Variants in NCF1 observed in about 807,000 individuals in gnomAD.
NCF1 encodes neutrophil cytosol factor 1.
NCF1 carries 8 observed loss-of-function variants against 34.9 expected under a neutral mutation model. That is an observed-to-expected ratio of 0.23 (90% CI 0.13 to 0.41). The LOEUF is 0.41. Among genes scored for constraint, NCF1 ranks in the 10% least tolerant of loss-of-function variants. The pLI, the probability that NCF1 is intolerant of heterozygous loss-of-function variation, is 1.00. For synonymous variants in NCF1, 57 were observed against 146.3 expected, an observed-to-expected ratio of 0.39 and a Z score of 4.41; for missense variants, 122 against 362.4, an observed-to-expected ratio of 0.34 and a Z score of 5.39.
chr7:74,782,729 C>T (rs1796594648), intron 5 of NCF1, among the ~76,000 whole-genome samples: 1 of 152,002 alleles, frequency 6.6e-6, no homozygotes, highest in South Asian at 2.1e-4. Flanking sequence ...GAGCAAGACT[C>T]TGTCTCCAAA....
chr7:74,783,635 G>C lies in NCF1; in HGVS notation c.682+3G>C. ...AGACCCTGAGCCCAACTATGCAGGT[G>C]CCCCCTGCCCTCCGAGGCTGTAGGG... On this transcript the variant is annotated splice_donor_region_variant and intron_variant, in intron 7 of 10. Transcript: ENST00000289473. 6.2e-7 allele frequency: 1 copy of C among 1,610,548 alleles called. No individual in the cohort carries two copies. Among genetic ancestry groups the C allele is most frequent in the Non-Finnish European group, 8.5e-7 (1 of 1,179,146 alleles).
chr7:74,787,190 C>A (rs1208143151), intron 8 of NCF1, among the ~76,000 whole-genome samples: 1 of 151,908 alleles, frequency 6.6e-6, no homozygotes, highest in Non-Finnish European at 1.5e-5. Context: ...GTAATCTCAG[C>A]ACTTTGGGAG....
At chr7:74,783,270 G>A (rs587616925) in intron 6 of NCF1, 19 of 902,390 alleles carry the variant, frequency 2.1e-5, no homozygotes, top group African/African-American at 1.2e-4. Flanking sequence ...AGGCCGGGGC[G>A]GGGCATGTCT....
Position 74,789,252 on chromosome 7 carries a change from G to A in NCF1, c.*92G>A. 1.5e-5 allele frequency: 1 copy of A among 67,292 alleles called. No individual in the cohort carries two copies. The highest frequency in any genetic ancestry group is 2.5e-5 in the Non-Finnish European group (1 of 39,732). The allele number at this position is 67,292 out of a possible 1,614,324, so 4.2% of individuals were successfully genotyped here. ...ATAGAGCCTGGCGTCTGGACGCCGA[G>A]GGCAGCCCCGACCCCTGTCCAGCGC... On this transcript the variant is annotated 3_prime_UTR_variant, in exon 11 of 11. Coordinates refer to ENST00000289473, the MANE Select transcript of NCF1 (RefSeq NM_000265.7).
intron 8 of NCF1, among the ~76,000 whole-genome samples, chr7:74,787,492 TG>T (rs1317753312): frequency 1.3e-5 from 2 of 152,080 alleles, no homozygotes; most frequent in Non-Finnish European, 2.9e-5. Context: ...TTTGGTGGCT[TG>T]GAGGTAGGCA....
intron 1 of NCF1, among the ~76,000 whole-genome samples, chr7:74,775,870 A>G (rs1313850808): frequency 2.0e-5 from 3 of 150,344 alleles, no homozygotes; most frequent in Non-Finnish European, 4.4e-5. Flanking sequence ...AGTAGCTGGG[A>G]ATACAGGTGC....
chr7:74,782,675 G>A (rs1447287779), intron 5 of NCF1, among the ~76,000 whole-genome samples: 11 of 152,098 alleles, frequency 7.2e-5, no homozygotes, highest in African/African-American at 2.7e-4. Flanking sequence ...GTCCAGGGCT[G>A]TAGTGAGCTG....
chr7:74,777,296 C>T lies in NCF1; in HGVS notation c.102C>T (p.Asp34=). The T allele has an allele frequency of 6.2e-7, 1 of 1,612,006 alleles. No individual in the cohort carries two copies. Among genetic ancestry groups the T allele is most frequent in the Non-Finnish European group, 8.5e-7 (1 of 1,179,008 alleles). ...ACATGTTCCTGGTGAAATGGCAGGA[C>T]CTGTCGGAGAAGGTGGTCTACCGGC... ...YVYMFLVKWQ[D]LSEKVVYRRF... The change falls in exon 2 of 11, where the codon GAC becomes GAT. Residue 34 remains aspartate (D), a synonymous_variant. Transcript: ENST00000289473.
chr7:74,786,473 T>A (rs1699570040), intron 8 of NCF1, among the ~76,000 whole-genome samples: 1 of 152,030 alleles, frequency 6.6e-6, no homozygotes, highest in Non-Finnish European at 1.5e-5. Flanking sequence ...TGGAGCACAA[T>A]CATCGCTCAC....
chr7:74,787,080 A>G (rs1270513268), intron 8 of NCF1, among the ~76,000 whole-genome samples: 4 of 149,864 alleles, frequency 2.7e-5, no homozygotes, highest in East Asian at 1.9e-4. Context: ...CCCCTTCCTC[A>G]CACTGTACAC....
chr7:74,787,136 C>G (rs1311149188), intron 8 of NCF1, among the ~76,000 whole-genome samples: 13 of 151,308 alleles, frequency 8.6e-5, no homozygotes, highest in African/African-American at 3.2e-4. Context: ...AGAGTAAAAC[C>G]TGAAACTAAA....
chr7:74,777,451 C>T, intron 2 of NCF1, 104 bp downstream of exon 2: 2 of 874,240 alleles, frequency 2.3e-6, no homozygotes, highest in South Asian at 2.8e-5. Flanking sequence ...CCCAGAATCC[C>T]CTCCCAGACC....
intron 1 of NCF1, 36 bp from the exon 2 acceptor site, chr7:74,777,231 G>T: frequency 6.2e-7 from 1 of 1,600,306 alleles, no homozygotes; most frequent in Non-Finnish European, 8.5e-7. Flanking sequence ...CTCTTTGGAG[G>T]CTGAATGGGG....
At position 74,788,678 on chromosome 7, in the gene NCF1, G is replaced by A. The variant is rs1489575019; in HGVS notation, c.1025G>A (p.Gly342Glu). 19 of 1,550,086 alleles carry A rather than the reference G, an allele frequency of 1.2e-5. No homozygotes were observed. The African/African-American group carries it at 2.5e-4, about 20-fold the overall frequency. Residue 342 changes from glycine (G) to glutamate (E), a missense_variant, in exon 10 of 11, where the codon GGA becomes GAA. Transcript: ENST00000289473. Reference protein sequence around the residue: ...LQQRRRQARPGPQSPGSPLEE... With the variant: ...LQQRRRQARPEPQSPGSPLEE... ...CAGCGACGCCGCCAGGCGCGGCCGG[G>A]ACCGCAGAGCCCCGGGAGCCCGCTC...
chr7:74,783,026 G>T lies in NCF1; in HGVS notation c.539G>T (p.Gly180Val). The T allele has an allele frequency of 6.2e-7, 1 of 1,611,492 alleles. No homozygotes were observed. The highest frequency in any genetic ancestry group is 8.5e-7 in the Non-Finnish European group (1 of 1,179,702). ...GGCTCCGAGATGGCTCTGTCCACGG[G>T]GGACGTGGTGGAGGTCGTAGAGAAG... ...TSGSEMALST[G>V]DVVEVVEKSE... Residue 180 changes from glycine (G) to valine (V), a missense_variant, in exon 6 of 11, where the codon GGG (glycine) becomes GTG (valine). By Grantham distance (109) the Gly-to-Val change is moderately radical. Coordinates refer to ENST00000289473, the MANE Select transcript of NCF1 (RefSeq NM_000265.7).
chr7:74,785,883 CAAAAAAAAAA>C (rs1208073697), intron 8 of NCF1, among the ~76,000 whole-genome samples: 1 of 69,218 alleles, frequency 1.4e-5, no homozygotes, highest in African/African-American at 6.0e-5. Flanking sequence ...AACTCCGTCT[CAAAAAAAAAA>C]AAAAAAAAAA....
rs587624953 is a variant in NCF1, at chr7:74,787,528, G to A, written c.801-456G>A. On this transcript the variant is annotated intron_variant, in intron 8 of 10. Coordinates refer to ENST00000289473, the MANE Select transcript of NCF1 (RefSeq NM_000265.7). ...AAAGGTTCGTAGGAGACAGAAGGCA[G>A]TTAACATAAAAGAAAAATTGGCAAA... Among the ~76,000 whole-genome samples the A allele has an allele frequency of 1.3e-4, 20 of 152,242 alleles. No homozygotes were observed. In the South Asian group the frequency reaches 4.1e-3, roughly 32 times the overall value.
At chr7:74,788,732 G>C (rs1554414972) in intron 10 of NCF1, 28 bp downstream of exon 10, 6 of 1,551,784 alleles carry the variant, frequency 3.9e-6, no homozygotes, top group Non-Finnish European at 5.2e-6. Flanking sequence ...GGGCAGGAAG[G>C]GCAAGCCCTA....
intron 2 of NCF1, among the ~76,000 whole-genome samples, chr7:74,778,572 A>G (rs1796518491): frequency 6.9e-6 from 1 of 145,466 alleles, no homozygotes; most frequent in Non-Finnish European, 1.5e-5. Flanking sequence ...GATCCCAAAG[A>G]GATTTGGGGA....
Sources: gnomAD v4.1 joint callset for allele counts (sites outside exome capture counted in the v4.1 genomes callset) on GRCh38, gnomAD v4.1.1 for gene constraint, MANE v1.5 for transcripts, NCBI Gene and HGNC (gene_info 2026-07-23, HGNC 2026-07-21) for gene names.